C10orf143: variants seen among roughly 807,000 people sequenced by gnomAD.
C10orf143 encodes the protein uncharacterized protein C10orf143.
chr10:130,076,758 G>A (rs1861124955), intron 3 of C10orf143, among the ~76,000 whole-genome samples: 1 of 152,228 alleles, frequency 6.6e-6, no homozygotes, highest in East Asian at 1.9e-4. Flanking sequence ...TTTCACACTT[G>A]GTTACCGTGT....
At chr10:130,036,818 A>G (rs530258721) in intron 3 of C10orf143, among the ~76,000 whole-genome samples, 36 of 152,184 alleles carry the variant, frequency 2.4e-4, no homozygotes, top group African/African-American at 8.7e-4. Flanking sequence ...TTCCTAGAGA[A>G]CAATGGTGCC....
intron 1 of C10orf143, among the ~76,000 whole-genome samples, chr10:130,110,454 G>C (rs373536258): frequency 6.6e-6 from 1 of 152,302 alleles, no homozygotes; most frequent in Non-Finnish European, 1.5e-5. Context: ...GAGCGTGTGG[G>C]TCAGGAAGGT....
chr10:130,038,775 C>T (rs949891948), intron 3 of C10orf143, among the ~76,000 whole-genome samples: 1 of 152,098 alleles, frequency 6.6e-6, no homozygotes, highest in Non-Finnish European at 1.5e-5. Context: ...GCCCTGCCTA[C>T]AGCCCACCTC....
intron 3 of C10orf143, among the ~76,000 whole-genome samples, chr10:130,075,924 C>A (rs1861108071): frequency 6.7e-6 from 1 of 150,262 alleles, no homozygotes; most frequent in African/African-American, 2.5e-5. Flanking sequence ...GATCTCTTTT[C>A]TTTATAAATT....
At chr10:130,097,585 C>A (rs895319974) in intron 1 of C10orf143, among the ~76,000 whole-genome samples, 12 of 152,228 alleles carry the variant, frequency 7.9e-5, no homozygotes, top group African/African-American at 2.9e-4. Context: ...GCAATTCCAG[C>A]CCTAAGTATC....
chr10:130,110,101 C>T (rs1861735564), intron 1 of C10orf143, among the ~76,000 whole-genome samples: 1 of 152,192 alleles, frequency 6.6e-6, no homozygotes, highest in South Asian at 2.1e-4. Context: ...CCCCGGTCAT[C>T]CTTCAAGTCT....
rs1861154790 is a variant in C10orf143, at chr10:130,078,407, A to C, written c.297+1159T>G. On this transcript the variant is annotated intron_variant, in intron 3 of 3. Coordinates refer to ENST00000637128, the MANE Select transcript of C10orf143 (RefSeq NM_001355042.2). The stretch of plus-strand genomic sequence containing the variant: ...CCAATGGAGGCATAGTTCTCAAAGT[A>C]AGCATTATTCGTTTGTATTCTAGGG... Among the ~76,000 whole-genome samples the C allele has an allele frequency of 5.3e-5, 8 of 152,218 alleles. No homozygotes were observed. The South Asian group carries it at 1.7e-3, about 32-fold the overall frequency.
rs2388529 is a variant in C10orf143 at position 130,056,622 on chromosome 10, C to T, written c.298-20652G>A. Among the ~76,000 whole-genome samples, 53,419 of 151,904 alleles carry T rather than the reference C, an allele frequency of 0.35. 9,686 individuals are homozygous for T. The highest frequency in any genetic ancestry group is 0.47 in the Admixed American group (7,139 of 15,266). ...TTTATTTTATTTTGAAATGGAGTCT[C>T]GCTCTGTCGCCCAGGCTGGAGTGCA... is the stretch of plus-strand genomic sequence containing the variant. On this transcript the variant is annotated intron_variant and NMD_transcript_variant, in intron 3 of 5. Transcript: ENST00000643056. This position sits in a 1 kb window ranked among gnomAD's most constrained non-coding sequence, Gnocchi z 4.6.
At chr10:130,081,584 T>G (rs1861210352) in intron 1 of C10orf143, among the ~76,000 whole-genome samples, 1 of 151,996 alleles carries the variant, frequency 6.6e-6, no homozygotes, top group Non-Finnish European at 1.5e-5. Context: ...AAACAATGAT[T>G]TCTATAGGGT....
At chr10:130,050,599 T>TA (rs1444664310) in intron 3 of C10orf143, among the ~76,000 whole-genome samples, 1 of 152,198 alleles carries the variant, frequency 6.6e-6, no homozygotes, top group African/African-American at 2.4e-5. Context: ...TAACGGGTAG[T>TA]AAGGCCTTAA....
At chr10:130,092,289 C>A (rs1039929631) in intron 1 of C10orf143, among the ~76,000 whole-genome samples, 1 of 152,150 alleles carries the variant, frequency 6.6e-6, no homozygotes, top group East Asian at 1.9e-4. Flanking sequence ...GAATTTTCAA[C>A]CCAGAATTTC....
In C10orf143 at chr10:130,090,182, C is replaced by T. The variant is rs1398591719; in HGVS notation, c.70-10281G>A. Among the ~76,000 whole-genome samples, 5 of 152,106 alleles carry T rather than the reference C, an allele frequency of 3.3e-5. No homozygotes were observed. The South Asian group carries it at 6.2e-4, about 19-fold the overall frequency. On this transcript the variant is annotated intron_variant, in intron 1 of 3. Coordinates refer to ENST00000637128, the MANE Select transcript of C10orf143 (RefSeq NM_001355042.2). ...CTCCCAGCAAGATCAATGCAGAAGG[C>T]GGGTGATTTCTGCATTTACAACTGA... is the stretch of plus-strand genomic sequence containing the variant.
chr10:130,097,446 T>C (rs1236789878), intron 1 of C10orf143, among the ~76,000 whole-genome samples: 1 of 152,176 alleles, frequency 6.6e-6, no homozygotes, highest in Non-Finnish European at 1.5e-5. Context: ...CTAGAATGAC[T>C]ATATATGAAG....
Position 130,039,415 on chromosome 10 carries a change from G to A in C10orf143, c.298-3445C>T, listed in dbSNP as rs146528335. Among the ~76,000 whole-genome samples, 757 of 152,124 alleles carry A rather than the reference G, an allele frequency of 5.0e-3. 3 individuals are homozygous for A. The highest frequency in any genetic ancestry group is 0.014 in the Middle Eastern group (4 of 294). ...GTGAGTCTGAAGACTGGAAAACCAGGAGCACCAGCATCCGAGGGCAGGAGA... is the reference window on the plus strand; with the variant it reads ...GTGAGTCTGAAGACTGGAAAACCAGAAGCACCAGCATCCGAGGGCAGGAGA... On this transcript the variant is annotated intron_variant and NMD_transcript_variant, in intron 3 of 5. Coordinates refer to the C10orf143 transcript ENST00000643056.
chr10:130,057,211 G>A (rs1296607365), intron 3 of C10orf143, among the ~76,000 whole-genome samples: 1 of 152,062 alleles, frequency 6.6e-6, no homozygotes, highest in Non-Finnish European at 1.5e-5. Context: ...ATTTTTCATG[G>A]TGGTAAGATA....
intron 3 of C10orf143, among the ~76,000 whole-genome samples, chr10:130,057,251 G>A (rs781161672): frequency 6.6e-5 from 10 of 152,048 alleles, no homozygotes; most frequent in South Asian, 2.1e-4. Flanking sequence ...CATTTAAACC[G>A]TTTTTAAGTG....
In C10orf143 at chr10:130,069,963, T is replaced by C. The variant is rs1364487084; in HGVS notation, c.298-5580A>G. On this transcript the variant is annotated intron_variant, in intron 3 of 3. Transcript: ENST00000637128. ...TTCTCTTCAACACAGATGCTTCCAC[T>C]AAGTATCACGTCCTTAATTTTTACC... 3.9e-5 allele frequency among the ~76,000 whole-genome samples: 6 copies of C among 152,286 alleles called. No individual in the cohort carries two copies. The East Asian group carries it at 1.2e-3, about 29-fold the overall frequency.
At chr10:130,074,822 C>T (rs1861089397) in intron 3 of C10orf143, among the ~76,000 whole-genome samples, 1 of 152,078 alleles carries the variant, frequency 6.6e-6, no homozygotes, top group Non-Finnish European at 1.5e-5. Flanking sequence ...ACTTTGGCTC[C>T]TCCTGGTGTC....
intron 1 of C10orf143, among the ~76,000 whole-genome samples, chr10:130,097,604 A>G (rs1861482591): frequency 6.6e-6 from 1 of 152,214 alleles, no homozygotes; most frequent in African/African-American, 2.4e-5. Flanking sequence ...TCCATCTAAG[A>G]GATATGTTCA....
Sources: allele counts gnomAD v4.1 joint callset (sites outside exome capture counted in the v4.1 genomes callset), GRCh38; gene constraint gnomAD v4.1.1; non-coding constraint Gnocchi (gnomAD v3.1); transcripts MANE v1.5; gene names NCBI Gene and HGNC (gene_info 2026-07-23, HGNC 2026-07-21).